The following ERCC6 variants were observed in gnomAD, a reference collection of about 807,000 sequenced individuals.
ERCC6 encodes the protein DNA excision repair protein ERCC-6.
ERCC6 carries 116 observed loss-of-function variants against 158.7 expected under a neutral mutation model. The ratio of observed to expected loss-of-function variants is 0.73; its 90% CI spans 0.63 to 0.85. The LOEUF is 0.85. ERCC6 is among the 40% of genes least tolerant of loss of function. The pLI is 0.00. For missense variants in ERCC6, 1,698 were observed against 1,799.4 expected, an observed-to-expected ratio of 0.94 and a Z score of 1.02; for synonymous variants, 678 against 659.3, an observed-to-expected ratio of 1.03 and a Z score of -0.43.
chr10:49,448,525 C>T, the ERCC6 span, among the ~76,000 whole-genome samples: 71,883 of 151,984 alleles, frequency 0.47, 17,207 homozygotes, highest in Non-Finnish European at 0.5. Context: ...CTCAAAGATA[C>T]ATGCAACCAT....
chr10:49,510,940 C>G (rs780502665), intron 5 of ERCC6, among the ~76,000 whole-genome samples: 2 of 150,244 alleles, frequency 1.3e-5, no homozygotes, highest in Non-Finnish European at 2.9e-5. Flanking sequence ...GGTTAAGGTT[C>G]GCTACAAAAA....
At chr10:49,489,017 T>C (rs904558566) in intron 8 of ERCC6, among the ~76,000 whole-genome samples, 1 of 152,152 alleles carries the variant, frequency 6.6e-6, no homozygotes, top group African/African-American at 2.4e-5. Flanking sequence ...TCTTCTGACC[T>C]CATGATCCGC....
intron 5 of ERCC6, chr10:49,516,079 G>T: frequency 6.2e-7 from 1 of 1,614,148 alleles, no homozygotes; most frequent in Non-Finnish European, 8.5e-7. Flanking sequence ...AAATGGTATT[G>T]TCCAGGGTGT....
chr10:49,473,135 T>C, intron 14 of ERCC6, 107 bp from the exon 15 acceptor site: 2 of 1,485,130 alleles, frequency 1.3e-6, no homozygotes, highest in South Asian at 2.4e-5. Context: ...CTGTTCCCAA[T>C]ATAAGGAATG....
In ERCC6 at chr10:49,530,798, T is replaced by C. The variant is rs1418603576; in HGVS notation, c.465A>G (p.Glu155=). ...TGGTGGCAGCTTGAGGGCTAAGCTG[T>C]TCAATAATTTTATTGATTTGCCTTA... is the stretch of plus-strand genomic sequence containing the variant. The part of the protein sequence containing the change: ...TSLRQINKII[E]QLSPQAATSR... Residue 155 remains glutamate (E), a synonymous_variant, in exon 3 of 21, where the codon GAA becomes GAG. Transcript: ENST00000355832. The C allele has an allele frequency of 2.5e-6, 4 of 1,613,832 alleles. No homozygotes were observed. The highest frequency in any genetic ancestry group is 3.4e-6 in the Non-Finnish European group (4 of 1,179,890).
intron 4 of ERCC6, 108 bp from the exon 5 acceptor site, chr10:49,524,885 TA>T (rs1837275387): frequency 1.1e-5 from 17 of 1,539,946 alleles, no homozygotes; most frequent in African/African-American, 4.1e-5. Context: ...ATAACTCATA[TA>T]AAAAAAGAAT....
the ERCC6 span, among the ~76,000 whole-genome samples, chr10:49,441,934 T>C: frequency 1.3e-5 from 2 of 152,196 alleles, no homozygotes; most frequent in African/African-American, 4.8e-5. Flanking sequence ...CAAAACTTCG[T>C]CCTGTGAGTT....
At chr10:49,524,888 A>G in intron 4 of ERCC6, 111 bp from the exon 5 acceptor site, 1 of 1,539,208 alleles carries the variant, frequency 6.5e-7, no homozygotes, top group Non-Finnish European at 8.7e-7. Context: ...ACTCATATAA[A>G]AAAAGAATCA....
intron 5 of ERCC6, among the ~76,000 whole-genome samples, chr10:49,518,917 T>TA (rs1267983473): frequency 1.3e-5 from 2 of 152,174 alleles, no homozygotes; most frequent in South Asian, 4.2e-4. Flanking sequence ...GTAAAAAAGG[T>TA]AAAAAATAGG....
At chr10:49,462,068 C>T (rs1027286833) in intron 18 of ERCC6, among the ~76,000 whole-genome samples, 4 of 152,102 alleles carry the variant, frequency 2.6e-5, no homozygotes, top group African/African-American at 7.2e-5. Context: ...TCATACAGAA[C>T]AATAAACCTT....
At chr10:49,475,101 A>G (rs1402271559) in intron 12 of ERCC6, among the ~76,000 whole-genome samples, 2 of 152,210 alleles carry the variant, frequency 1.3e-5, no homozygotes. Flanking sequence ...TCTTCCTTTC[A>G]ATCTGCACTG....
In ERCC6 at chr10:49,458,904, C is replaced by CTT; in HGVS notation, c.4392_4393insAA (p.Val1465LysfsTer7). On this transcript the variant is annotated frameshift_variant, in exon 21 of 21. Transcript: ENST00000355832. LOFTEE classifies it high-confidence loss of function. ...AGATTTCTCAATAGTTCTCGGAAGA[C>CTT]ACAAGACTGTGATGCAGATAACTTG... 1 of 1,614,150 alleles carries CTT rather than the reference C, an allele frequency of 6.2e-7. No individual in the cohort carries two copies. The highest frequency in any genetic ancestry group is 8.5e-7 in the Non-Finnish European group (1 of 1,180,006).
In ERCC6 at chr10:49,474,048, C is replaced by T. The variant is rs2132541730; in HGVS notation, c.2577G>A (p.Leu859=). 6.2e-7 allele frequency: 1 copy of T among 1,614,032 alleles called. No individual in the cohort carries two copies. ...KIWHKQGQRV[L]LFSQSRQMLD... is the part of the protein sequence containing the mutation. The stretch of plus-strand genomic sequence containing the variant: ...TCACCTGCCTTGACTGAGAAAACAG[C>T]AATACTCGCTGACCCTGCTTGTGCC... Residue 859 remains leucine, a synonymous_variant, in exon 13 of 21, where the codon TTG becomes TTA. Transcript: ENST00000355832.
At chr10:49,445,693 C>T in the ERCC6 span, among the ~76,000 whole-genome samples, 4 of 152,180 alleles carry the variant, frequency 2.6e-5, no homozygotes, top group Non-Finnish European at 4.4e-5. Context: ...ATCCGTTTAA[C>T]GACATAGCTG....
intron 6 of ERCC6, chr10:49,505,188 T>C (rs928749658): frequency 6.6e-6 from 1 of 152,168 alleles, no homozygotes; most frequent in Non-Finnish European, 1.5e-5. Flanking sequence ...GTGACGAGAC[T>C]GAAAATGTTC....
At chr10:49,478,235 T>A in intron 11 of ERCC6, 119 bp downstream of exon 11, 1 of 835,100 alleles carries the variant, frequency 1.2e-6, no homozygotes, top group South Asian at 1.3e-5. Context: ...GGGCCTAGCC[T>A]GCCCACAGTT....
At chr10:49,505,745 T>C (rs1375920540) in intron 6 of ERCC6, 139 bp downstream of exon 6, 4 of 925,518 alleles carry the variant, frequency 4.3e-6, no homozygotes, top group Admixed American at 2.4e-5. Context: ...TATAATTTCA[T>C]TTGACAGTAT....
downstream of ERCC6, among the ~76,000 whole-genome samples, chr10:49,451,888 C>G (rs993210631): frequency 1.3e-5 from 2 of 152,266 alleles, no homozygotes; most frequent in Middle Eastern, 3.4e-3. Flanking sequence ...GGGCAATTTT[C>G]TGATTCCTGG....
the ERCC6 span, among the ~76,000 whole-genome samples, chr10:49,446,354 G>C: frequency 8.5e-5 from 13 of 152,118 alleles, no homozygotes; most frequent in African/African-American, 3.1e-4. Flanking sequence ...TGGAGTCTAT[G>C]AAACAGTGGT....
Sources: gnomAD v4.1 joint callset for allele counts (sites outside exome capture counted in the v4.1 genomes callset) on GRCh38, gnomAD v4.1.1 for gene constraint, MANE v1.5 for transcripts, NCBI Gene and HGNC (gene_info 2026-07-23, HGNC 2026-07-21) for gene names.